The following MRTFB variants were observed in gnomAD, a reference collection of about 807,000 sequenced individuals.
MRTFB encodes the protein myocardin-related transcription factor B.
Under a neutral mutation model 104.2 loss-of-function variants are expected in MRTFB, and 29 were observed. The ratio of observed to expected loss-of-function variants is 0.28; its 90% CI spans 0.21 to 0.38. The LOEUF (loss-of-function observed/expected upper bound fraction) is 0.38. Ranked by LOEUF, MRTFB falls within the 10% of genes least tolerant of loss-of-function variation. The pLI, the probability that MRTFB is intolerant of heterozygous loss-of-function variation, is 1.00. For synonymous variants in MRTFB, 535 were observed against 519.5 expected, an observed-to-expected ratio of 1.03 and a Z score of -0.41; for missense variants, 1,270 against 1,341.6, an observed-to-expected ratio of 0.95 and a Z score of 0.83.
intron 6 of MRTFB, among the ~76,000 whole-genome samples, chr16:14,215,352 T>C (rs944343741): frequency 6.6e-6 from 1 of 152,220 alleles, no homozygotes; most frequent in Non-Finnish European, 1.5e-5. Context: ...CCCAACTGTA[T>C]TTTAACATTA....
intron 9 of MRTFB, among the ~76,000 whole-genome samples, chr16:14,236,118 C>T (rs2042491345): frequency 1.3e-5 from 2 of 151,248 alleles, no homozygotes; most frequent in African/African-American, 4.9e-5. Context: ...GAGGTTAAGG[C>T]TGCAGTGAGC....
intron 8 of MRTFB, among the ~76,000 whole-genome samples, chr16:14,232,453 C>T (rs971283792): frequency 5.3e-5 from 8 of 152,234 alleles, no homozygotes; most frequent in Non-Finnish European, 1.2e-4. Flanking sequence ...TCTCAGGGCT[C>T]TTTGCGGGCA....
chr16:14,212,910 G>A (rs925663155), intron 5 of MRTFB, among the ~76,000 whole-genome samples: 14 of 152,120 alleles, frequency 9.2e-5, no homozygotes, highest in South Asian at 2.1e-4. Context: ...ATACTTGCAC[G>A]TGATAATTGT....
chr16:14,202,731 G>GTCCT (rs2040763464), intron 3 of MRTFB, among the ~76,000 whole-genome samples: 1 of 152,124 alleles, frequency 6.6e-6, no homozygotes, highest in African/African-American at 2.4e-5. Flanking sequence ...TGCCCTTTCA[G>GTCCT]TACAATTGTT....
chr16:14,017,719 T>A, the MRTFB span, among the ~76,000 whole-genome samples: 37 of 29,430 alleles, frequency 1.3e-3, 1 homozygote, highest in South Asian at 3.1e-3. Flanking sequence ...ATATTTTTTT[T>A]TTTTTTTTTT....
intron 4 of MRTFB, among the ~76,000 whole-genome samples, chr16:14,211,547 C>T (rs566514370): frequency 6.6e-6 from 1 of 152,250 alleles, no homozygotes; most frequent in African/African-American, 2.4e-5. Context: ...CTTGGAAGTG[C>T]AGGGTGTTAC....
At chr16:14,058,742 G>A in the MRTFB span, among the ~76,000 whole-genome samples, 4 of 120,186 alleles carry the variant, frequency 3.3e-5, no homozygotes, top group South Asian at 2.6e-4. Context: ...TTTTTGAGAC[G>A]GAGTCTCGCT....
intron 13 of MRTFB, 66 bp from the exon 14 acceptor site, chr16:14,251,796 G>C: frequency 6.4e-7 from 1 of 1,566,258 alleles, no homozygotes; most frequent in East Asian, 2.2e-5. Context: ...CCTAAAACAT[G>C]GTTTTCTTTA....
the MRTFB span, among the ~76,000 whole-genome samples, chr16:14,041,369 A>G: frequency 1.3e-5 from 2 of 152,176 alleles, no homozygotes; most frequent in Non-Finnish European, 2.9e-5. Flanking sequence ...GCCCCCGGCA[A>G]CCGCAATTAT....
At chr16:14,055,934 G>A in the MRTFB span, among the ~76,000 whole-genome samples, 1 of 151,816 alleles carries the variant, frequency 6.6e-6, no homozygotes, top group Non-Finnish European at 1.5e-5. Context: ...TGTTCTAATG[G>A]TGATTTTTTT....
chr16:14,140,934 C>T, intron 3 of MRTFB, 174 bp downstream of exon 3: 1 of 590,634 alleles, frequency 1.7e-6, no homozygotes, highest in South Asian at 2.5e-5. Flanking sequence ...ACTTTCCATT[C>T]AGTTCTTTCA....
intron 3 of MRTFB, among the ~76,000 whole-genome samples, chr16:14,167,197 T>C (rs1240499662): frequency 6.6e-6 from 1 of 152,186 alleles, no homozygotes; most frequent in Non-Finnish European, 1.5e-5. Flanking sequence ...TTAATAATTA[T>C]TCTGACTGGC....
the MRTFB span, among the ~76,000 whole-genome samples, chr16:14,003,466 C>T: frequency 2.0e-5 from 3 of 152,170 alleles, no homozygotes; most frequent in East Asian, 5.8e-4. Context: ...AGAGAACAGC[C>T]CCCAGGCAGT....
chr16:14,223,065 G>A (rs1333175252), intron 8 of MRTFB, among the ~76,000 whole-genome samples: 1 of 152,110 alleles, frequency 6.6e-6, no homozygotes, highest in Non-Finnish European at 1.5e-5. Flanking sequence ...CCAGCAGTTT[G>A]GGAGGCCAAG....
At chr16:14,031,570 C>T in the MRTFB span, among the ~76,000 whole-genome samples, 3 of 152,006 alleles carry the variant, frequency 2.0e-5, no homozygotes, top group Non-Finnish European at 4.4e-5. Flanking sequence ...TAGGACCAAG[C>T]GTAAGTGGAT....
rs556442172 is a variant in MRTFB at position 14,229,561 on chromosome 16, A to G, written c.694-4585A>G. Among the ~76,000 whole-genome samples, 24 of 152,346 alleles carry G rather than the reference A, an allele frequency of 1.6e-4. No homozygotes were observed. In the South Asian group the frequency reaches 4.8e-3, roughly 30 times the overall value. ...AATAAAGAGGAACAGTCCGGAAGCAATGACTGGCCCTTGTCCTGTGTACCA... is the reference window on the plus strand; with the variant it reads ...AATAAAGAGGAACAGTCCGGAAGCAGTGACTGGCCCTTGTCCTGTGTACCA... On this transcript the variant is annotated intron_variant, in intron 8 of 16. Coordinates refer to ENST00000571589, the MANE Select transcript of MRTFB (RefSeq NM_001308142.2).
intron 9 of MRTFB, among the ~76,000 whole-genome samples, chr16:14,239,990 C>T (rs1293119916): frequency 6.6e-6 from 1 of 152,194 alleles, no homozygotes. Flanking sequence ...TGAGTTTGAA[C>T]AGCTCATGCT....
At chr16:14,098,339 T>G (rs1256632365) in intron 2 of MRTFB, among the ~76,000 whole-genome samples, 1 of 152,202 alleles carries the variant, frequency 6.6e-6, no homozygotes, top group African/African-American at 2.4e-5. Context: ...CTAATGGAGT[T>G]GAGCATATTT....
chr16:14,147,731 T>C (rs955122408), intron 3 of MRTFB, among the ~76,000 whole-genome samples: 4 of 152,174 alleles, frequency 2.6e-5, no homozygotes, highest in Admixed American at 1.3e-4. Flanking sequence ...TGGATGAAGC[T>C]TTGTGCATCA....
Sources: allele counts gnomAD v4.1 joint callset (sites outside exome capture counted in the v4.1 genomes callset), GRCh38; gene constraint gnomAD v4.1.1; transcripts MANE v1.5; gene names NCBI Gene and HGNC (gene_info 2026-07-23, HGNC 2026-07-21).